Variants in SLC8A1 observed in about 807,000 individuals in gnomAD.
The protein encoded by SLC8A1 is solute carrier family 8 member A1, also known as sodium/calcium exchanger 1.
Under a neutral mutation model 68.3 loss-of-function variants are expected in SLC8A1, and 18 were observed. The observed-to-expected ratio is 0.26, with a 90% CI of 0.18 to 0.39. The LOEUF (loss-of-function observed/expected upper bound fraction) is 0.39. Ranked by LOEUF, SLC8A1 falls within the 10% of genes least tolerant of loss-of-function variation. SLC8A1 has a pLI of 1.00. For synonymous variants in SLC8A1, 475 were observed against 415.5 expected (o/e 1.14, Z -1.74); for missense variants, 985 against 1,156.7 (o/e 0.85, Z 2.15).
chr2:40,287,563 C>T (rs372395814), intron 2 of SLC8A1, among the ~76,000 whole-genome samples: 2 of 116,418 alleles, frequency 1.7e-5, no homozygotes, highest in Non-Finnish European at 3.7e-5. Flanking sequence ...ATTCTTTCAG[C>T]GGACTTGGCA....
intron 2 of SLC8A1, among the ~76,000 whole-genome samples, chr2:40,365,997 A>G (rs1676065449): frequency 7.0e-6 from 1 of 143,558 alleles, no homozygotes; most frequent in Non-Finnish European, 1.6e-5. Context: ...CCCTGTCTGA[A>G]AAAAAAAAAT....
chr2:40,440,566 T>C (rs1700279061), intron 1 of SLC8A1, among the ~76,000 whole-genome samples: 1 of 152,032 alleles, frequency 6.6e-6, no homozygotes, highest in South Asian at 2.1e-4. Flanking sequence ...ACGTAATCTC[T>C]CTCCTTAAGG....
At chr2:40,354,977 G>C (rs1055237899) in intron 2 of SLC8A1, among the ~76,000 whole-genome samples, 1 of 152,168 alleles carries the variant, frequency 6.6e-6, no homozygotes, top group African/African-American at 2.4e-5. Context: ...TTTTTGAAGA[G>C]TGTTTGACAT....
chr2:40,187,979 G>A (rs2051002683), intron 2 of SLC8A1, among the ~76,000 whole-genome samples: 1 of 152,168 alleles, frequency 6.6e-6, no homozygotes. Context: ...GGAGGGTAAA[G>A]CAATAAGGAC....
At chr2:40,442,492 CAT>C (rs1700698522) in intron 1 of SLC8A1, among the ~76,000 whole-genome samples, 2 of 150,554 alleles carry the variant, frequency 1.3e-5, no homozygotes, top group South Asian at 4.2e-4. Context: ...AGCCAACAAA[CAT>C]ATCAAGAAAA....
chr2:40,301,328 G>A (rs189993518), intron 2 of SLC8A1, among the ~76,000 whole-genome samples: 1 of 152,278 alleles, frequency 6.6e-6, no homozygotes, highest in East Asian at 1.9e-4. Context: ...AGGCCACAAA[G>A]CTGTTAGTGG....
At chr2:40,451,479 G>C (rs1301385247) in intron 1 of SLC8A1, among the ~76,000 whole-genome samples, 1 of 152,164 alleles carries the variant, frequency 6.6e-6, no homozygotes. Flanking sequence ...GGATGTCCGC[G>C]GAGAAGAGTC....
chr2:40,372,929 T>TCA (rs1678607114), intron 2 of SLC8A1, among the ~76,000 whole-genome samples: 2 of 151,866 alleles, frequency 1.3e-5, no homozygotes, highest in African/African-American at 4.8e-5. Context: ...TGATGGTTTA[T>TCA]CAAGAGAGGT....
chr2:40,314,700 T>C (rs1433851413), intron 2 of SLC8A1, among the ~76,000 whole-genome samples: 1 of 152,080 alleles, frequency 6.6e-6, no homozygotes, highest in African/African-American at 2.4e-5. Context: ...TAATTTTCAG[T>C]GTACAAGTCT....
At chr2:40,209,495 G>A (rs560363458) in intron 2 of SLC8A1, among the ~76,000 whole-genome samples, 2 of 152,250 alleles carry the variant, frequency 1.3e-5, no homozygotes, top group Admixed American at 6.5e-5. Context: ...AAGGACTTCT[G>A]AGGGAAATAG....
At chr2:40,480,317 G>T (rs1054177281) in intron 1 of SLC8A1, among the ~76,000 whole-genome samples, 9 of 152,124 alleles carry the variant, frequency 5.9e-5, no homozygotes, top group Non-Finnish European at 1.5e-5. Context: ...GGTGATGTAT[G>T]AGGAGGTGTG....
intron 2 of SLC8A1, among the ~76,000 whole-genome samples, chr2:40,186,337 T>C (rs1400680016): frequency 6.6e-6 from 1 of 151,826 alleles, no homozygotes; most frequent in East Asian, 1.9e-4. Flanking sequence ...TATCACTTGG[T>C]TTAAATTCCT....
chr2:40,321,595 T>C (rs2075197588), intron 2 of SLC8A1, among the ~76,000 whole-genome samples: 1 of 152,100 alleles, frequency 6.6e-6, no homozygotes, highest in Non-Finnish European at 1.5e-5. Context: ...CTTATAATCA[T>C]GGCAGAAAGG....
chr2:40,268,632 C>G (rs2065652398), intron 2 of SLC8A1, among the ~76,000 whole-genome samples: 1 of 152,128 alleles, frequency 6.6e-6, no homozygotes, highest in African/African-American at 2.4e-5. Context: ...CATCTGAAAT[C>G]CTATGTACGT....
intron 2 of SLC8A1, among the ~76,000 whole-genome samples, chr2:40,403,126 A>G (rs1202419468): frequency 6.6e-6 from 1 of 152,218 alleles, no homozygotes; most frequent in Admixed American, 6.5e-5. Flanking sequence ...TTTAGATTAA[A>G]TTGGTATTTA....
intron 2 of SLC8A1, among the ~76,000 whole-genome samples, chr2:40,321,160 T>G (rs1450107354): frequency 6.6e-6 from 1 of 152,192 alleles, no homozygotes; most frequent in Non-Finnish European, 1.5e-5. Flanking sequence ...TGAGACATCT[T>G]TATTTGCAAA....
chr2:40,313,079 C>CA (rs1379916809), intron 2 of SLC8A1, among the ~76,000 whole-genome samples: 4 of 152,046 alleles, frequency 2.6e-5, no homozygotes, highest in Admixed American at 2.6e-4. Flanking sequence ...CATTACCCCC[C>CA]AAAGTTCTCT....
At chr2:40,296,550 A>G (rs554171249) in intron 2 of SLC8A1, among the ~76,000 whole-genome samples, 1 of 152,218 alleles carries the variant, frequency 6.6e-6, no homozygotes, top group South Asian at 2.1e-4. Context: ...TTGTGGTACA[A>G]TTTTCCTAAA....
At chr2:40,430,178 C>T (rs1353379967) in exon 2 of SLC8A1, 3 of 1,613,646 alleles carry the variant, frequency 1.9e-6, no homozygotes, top group Non-Finnish European at 2.5e-6. Flanking sequence ...TCTGTCTCAG[C>T]AATTACATGG....
Sources: gnomAD v4.1 joint callset for allele counts (sites outside exome capture counted in the v4.1 genomes callset) on GRCh38, gnomAD v4.1.1 for gene constraint, MANE v1.5 for transcripts, NCBI Gene and HGNC (gene_info 2026-07-23, HGNC 2026-07-21) for gene names.